Variants in UGGT2 observed in about 807,000 individuals in gnomAD.
UGGT2 encodes UDP-glucose:glycoprotein glucosyltransferase 2.
In UGGT2, 180 loss-of-function variants were observed where a neutral mutation model predicts 192.1. The observed-to-expected ratio is 0.94, with a 90% CI of 0.83 to 1.06. The LOEUF (loss-of-function observed/expected upper bound fraction) is 1.06, where lower values mean the gene tolerates loss of function less well. Among genes scored for constraint, UGGT2 ranks in the 50% least tolerant of loss-of-function variants. The pLI is 0.00. For synonymous variants in UGGT2, 580 were observed against 591.0 expected, an observed-to-expected ratio of 0.98 and a Z score of 0.27; for missense variants, 1,849 against 1,795.7, an observed-to-expected ratio of 1.03 and a Z score of -0.54.
chr13:95,854,154 C>T (rs1275101763), intron 35 of UGGT2, among the ~76,000 whole-genome samples, 161 bp downstream of exon 35: 3 of 152,024 alleles, frequency 2.0e-5, no homozygotes, highest in African/African-American at 4.8e-5. Context: ...ACTTAATATA[C>T]GTAAAGGCTT....
intron 33 of UGGT2, chr13:95,856,557 A>C (rs1480396576): frequency 2.0e-6 from 1 of 511,956 alleles, no homozygotes; most frequent in Admixed American, 3.8e-5. Flanking sequence ...ATATAATTTA[A>C]CGTCATTAAA....
At chr13:95,905,770 G>A (rs2048269143) in intron 20 of UGGT2, among the ~76,000 whole-genome samples, 1 of 152,090 alleles carries the variant, frequency 6.6e-6, no homozygotes, top group Non-Finnish European at 1.5e-5. Context: ...GGATTGACTT[G>A]GTGATGCGGG....
chr13:95,903,912 G>A (rs1055688860), intron 20 of UGGT2, among the ~76,000 whole-genome samples: 9 of 152,138 alleles, frequency 5.9e-5, no homozygotes, highest in African/African-American at 2.2e-4. Flanking sequence ...TCGTACATAT[G>A]TAAAGATATC....
rs188174282 is a variant in UGGT2 at position 95,905,807 on chromosome 13, A to T, written c.2296-2747T>A. On this transcript the variant is annotated intron_variant, in intron 20 of 38. Transcript: ENST00000376747. ...TCTTTTTTGGTTCCATATGAACTTT[A>T]AAGTATACATTATCTTTAAGAAGAT... Among the ~76,000 whole-genome samples, 21 of 152,280 alleles carry T rather than the reference A, an allele frequency of 1.4e-4. No homozygotes were observed. In the East Asian group the frequency reaches 3.7e-3, roughly 27 times the overall value.
chr13:96,015,698 G>A (rs913214346), intron 4 of UGGT2, among the ~76,000 whole-genome samples: 9 of 152,166 alleles, frequency 5.9e-5, no homozygotes, highest in African/African-American at 2.2e-4. Flanking sequence ...TCAGCTTTCT[G>A]AAGACAATTT....
chr13:95,847,196 A>G (rs975337288), intron 36 of UGGT2, among the ~76,000 whole-genome samples: 3 of 151,920 alleles, frequency 2.0e-5, no homozygotes, highest in Non-Finnish European at 1.5e-5. Context: ...GAAGGCACAG[A>G]GATTTCCCAT....
intron 33 of UGGT2, chr13:95,856,707 A>G (rs1188251263): frequency 2.5e-6 from 1 of 397,750 alleles, no homozygotes; most frequent in South Asian, 1.9e-5. Context: ...CAAATAGTTC[A>G]TGTATATGTC....
At chr13:95,835,828 G>A (rs1320323081) in intron 37 of UGGT2, among the ~76,000 whole-genome samples, 1 of 152,124 alleles carries the variant, frequency 6.6e-6, no homozygotes, top group East Asian at 1.9e-4. Context: ...ATGTTTAGGA[G>A]AGTTAAACTG....
At position 96,023,052 on chromosome 13, in the gene UGGT2, T is replaced by G; in HGVS notation, c.473A>C (p.Lys158Thr). Reference sequence around the variant, plus strand: ...ATTATTAATTTACCTTGAAGCAGCTTTCTTCAGCAGCTTTTTAATCTCATT... The same window carrying G: ...ATTATTAATTTACCTTGAAGCAGCTGTCTTCAGCAGCTTTTTAATCTCATT... ...KINEIKKLLK[K>T]AASRTRPYLF... The change falls in exon 4 of 39, where the codon AAA becomes ACA. Residue 158 changes from lysine to threonine, a missense_variant. Transcript: ENST00000376747. 1 of 1,581,938 alleles carries G rather than the reference T, an allele frequency of 6.3e-7. No individual in the cohort carries two copies. Among genetic ancestry groups the G allele is most frequent in the South Asian group, 1.2e-5 (1 of 84,086 alleles).
In UGGT2 at chr13:95,927,462, TTTTCTTTC is replaced by T. The variant is rs200840721; in HGVS notation, c.1978-134_1978-127del. 4.8e-4 allele frequency: 317 copies of T among 659,552 alleles called. 4 individuals carry two copies. In the African/African-American group the frequency reaches 5.8e-3, roughly 12 times the overall value. The allele number at this position is 659,552 out of a possible 1,614,324, so 40.9% of individuals were successfully genotyped here. The stretch of plus-strand genomic sequence containing the variant: ...AGCAATTTAGAATTATTACAATACA[TTTTCTTTC>T]TTTTTTTTTTTTTTTTTTATTCTTC... On this transcript the variant is annotated intron_variant, in intron 17 of 38. Coordinates refer to ENST00000376747, the MANE Select transcript of UGGT2 (RefSeq NM_020121.4).
At chr13:96,008,077 A>C (rs919198432) in intron 5 of UGGT2, among the ~76,000 whole-genome samples, 5 of 152,242 alleles carry the variant, frequency 3.3e-5, no homozygotes, top group Non-Finnish European at 5.9e-5. Flanking sequence ...CAAAACTATG[A>C]AACGACTAGA....
At chr13:95,990,153 A>G (rs909951204) in intron 7 of UGGT2, 80 bp from the exon 8 acceptor site, 3 of 790,396 alleles carry the variant, frequency 3.8e-6, no homozygotes, top group African/African-American at 3.5e-5. Flanking sequence ...TTGAAATTAC[A>G]TATTCCATGT....
chr13:95,802,665 A>G (rs1157474152), intron 38 of UGGT2, among the ~76,000 whole-genome samples: 2 of 152,220 alleles, frequency 1.3e-5, no homozygotes, highest in African/African-American at 2.4e-5. Context: ...GGACGAGGCT[A>G]TAACAAACGC....
intron 17 of UGGT2, among the ~76,000 whole-genome samples, chr13:95,927,822 G>C (rs2049078545): frequency 6.6e-6 from 1 of 152,172 alleles, no homozygotes; most frequent in Non-Finnish European, 1.5e-5. Flanking sequence ...GCCTTCCGCA[G>C]TGTTTGTGTC....
intron 1 of UGGT2, among the ~76,000 whole-genome samples, chr13:96,036,104 A>G (rs1453023282): frequency 6.6e-6 from 1 of 152,230 alleles, no homozygotes; most frequent in Non-Finnish European, 1.5e-5. Context: ...ACATGCACAC[A>G]TATGTCCACT....
chr13:95,927,229 A>G lies in UGGT2; in HGVS notation c.2085T>C (p.Asn695=). The change falls in exon 18 of 39, where the codon AAT becomes AAC. Residue 695 remains asparagine, a synonymous_variant. Transcript: ENST00000376747. The part of the protein sequence containing the change: ...LILRTNQQYL[N]LISTSVTADV... ...TTATTTTACCTGATGTAGATATTAA[A>G]TTGAGGTACTGCTGGTTAGTACGCA... 1.9e-6 allele frequency: 3 copies of G among 1,611,764 alleles called. No individual in the cohort carries two copies. Among genetic ancestry groups the G allele is most frequent in the South Asian group, 2.2e-5 (2 of 90,926 alleles).
intron 10 of UGGT2, among the ~76,000 whole-genome samples, chr13:95,977,811 G>C (rs2050986381): frequency 6.6e-6 from 1 of 152,176 alleles, no homozygotes. Flanking sequence ...ATCAATGATA[G>C]ACTGGATAAA....
intron 38 of UGGT2, among the ~76,000 whole-genome samples, chr13:95,803,113 C>T (rs1378385469): frequency 2.0e-5 from 3 of 151,814 alleles, no homozygotes; most frequent in Non-Finnish European, 1.5e-5. Flanking sequence ...GGATTACAGG[C>T]GTAAGCCACT....
chr13:95,847,096 C>A (rs577860774), intron 36 of UGGT2, among the ~76,000 whole-genome samples: 7 of 147,976 alleles, frequency 4.7e-5, no homozygotes, highest in Non-Finnish European at 1.0e-4. Flanking sequence ...GCCATTCTAA[C>A]CTTAATTATT....
Sources: allele counts gnomAD v4.1 joint callset (sites outside exome capture counted in the v4.1 genomes callset), GRCh38; gene constraint gnomAD v4.1.1; transcripts MANE v1.5; gene names NCBI Gene and HGNC (gene_info 2026-07-23, HGNC 2026-07-21).